MSRA: variants seen among roughly 807,000 people sequenced by gnomAD.
The protein encoded by MSRA is methionine sulfoxide reductase A.
A neutral mutation model predicts 31.3 loss-of-function variants in MSRA; 54 were observed. The observed-to-expected ratio is 1.73, with a 90% CI of 1.39 to 2.17. The LOEUF is 2.17. MSRA is among the 30% of genes most tolerant of loss of function. The pLI, the probability that MSRA is intolerant of heterozygous loss-of-function variation, is 0.00. For missense variants in MSRA, 507 were observed against 300.9 expected (o/e 1.69, Z -5.07); for synonymous variants, 169 against 116.5 (o/e 1.45, Z -2.90).
chr8:10,301,835 G>A (rs1800865709), intron 4 of MSRA, among the ~76,000 whole-genome samples, 197 bp downstream of exon 4: 1 of 152,058 alleles, frequency 6.6e-6, no homozygotes, highest in Non-Finnish European at 1.5e-5. Flanking sequence ...CACATTCGGC[G>A]CCCCTGCCCC....
chr8:10,093,447 T>G (rs1383712750), intron 1 of MSRA, among the ~76,000 whole-genome samples: 1 of 152,196 alleles, frequency 6.6e-6, no homozygotes, highest in Non-Finnish European at 1.5e-5. Context: ...AAAACTTTGC[T>G]CCTATATAGC....
intron 5 of MSRA, among the ~76,000 whole-genome samples, chr8:10,332,110 G>T (rs1477582314): frequency 6.6e-6 from 1 of 152,086 alleles, no homozygotes; most frequent in Non-Finnish European, 1.5e-5. Context: ...AAATGTCATG[G>T]TTATCTGTTT....
At chr8:10,283,836 TACACACACACACACACACACACACACAC>T (rs372503609) in intron 3 of MSRA, among the ~76,000 whole-genome samples, 4 of 53,156 alleles carry the variant, frequency 7.5e-5, no homozygotes, top group East Asian at 8.4e-4. Context: ...TATATATATA[TACACACACACACACACACACACACACAC>T]ACACATATAT....
At chr8:10,223,703 A>G (rs1810728646) in intron 2 of MSRA, among the ~76,000 whole-genome samples, 1 of 152,248 alleles carries the variant, frequency 6.6e-6, no homozygotes, top group East Asian at 1.9e-4. Context: ...TGAGGAAATA[A>G]TGACCATAAA....
chr8:10,094,567 C>A (rs1254821824), intron 1 of MSRA, among the ~76,000 whole-genome samples: 2 of 152,148 alleles, frequency 1.3e-5, no homozygotes, highest in Non-Finnish European at 2.9e-5. Flanking sequence ...CAATTTGAGA[C>A]CTTGAGTTAT....
At chr8:10,259,224 C>CA (rs1370555814) in intron 3 of MSRA, among the ~76,000 whole-genome samples, 1 of 152,120 alleles carries the variant, frequency 6.6e-6, no homozygotes, top group East Asian at 1.9e-4. Flanking sequence ...CACTCTCTGG[C>CA]AAAACTGAGG....
intron 3 of MSRA, among the ~76,000 whole-genome samples, chr8:10,292,305 C>T (rs925364138): frequency 4.6e-5 from 7 of 152,278 alleles, no homozygotes; most frequent in Non-Finnish European, 7.3e-5. Context: ...AGGGCTCCTC[C>T]GGCCCATACG....
intron 1 of MSRA, among the ~76,000 whole-genome samples, chr8:10,184,322 C>T (rs926261580): frequency 6.6e-6 from 1 of 151,886 alleles, no homozygotes; most frequent in African/African-American, 2.4e-5. Flanking sequence ...CCACTCTTAC[C>T]CTCTAAGCCC....
intron 1 of MSRA, among the ~76,000 whole-genome samples, chr8:10,087,716 G>T (rs1053214610): frequency 6.6e-6 from 1 of 152,170 alleles, no homozygotes; most frequent in Non-Finnish European, 1.5e-5. Context: ...TAAATATTCT[G>T]AGAGTGCCAT....
intron 2 of MSRA, among the ~76,000 whole-genome samples, chr8:10,212,882 T>G (rs141422771): frequency 1.9e-3 from 286 of 152,322 alleles, no homozygotes; most frequent in African/African-American, 6.4e-3. Context: ...AACCCATCAT[T>G]ATTTATTTTT....
chr8:10,387,117 C>T (rs1029326955), intron 5 of MSRA, among the ~76,000 whole-genome samples: 2 of 152,146 alleles, frequency 1.3e-5, no homozygotes, highest in Admixed American at 6.5e-5. Flanking sequence ...GCTGCCTGCA[C>T]GGCTCGACCA....
At chr8:10,374,031 G>T (rs1805622037) in intron 5 of MSRA, among the ~76,000 whole-genome samples, 1 of 152,158 alleles carries the variant, frequency 6.6e-6, no homozygotes, top group Non-Finnish European at 1.5e-5. Context: ...CCCAGTTCCT[G>T]GCTTCCATGC....
At chr8:10,110,443 C>T (rs1800196898) in intron 1 of MSRA, among the ~76,000 whole-genome samples, 1 of 152,184 alleles carries the variant, frequency 6.6e-6, no homozygotes, top group Non-Finnish European at 1.5e-5. Flanking sequence ...GAGTCAGCCT[C>T]ACTGCTGGCT....
At chr8:10,291,413 CAAAAG>C (rs1448693969) in intron 3 of MSRA, among the ~76,000 whole-genome samples, 2 of 48,428 alleles carry the variant, frequency 4.1e-5, no homozygotes, top group Non-Finnish European at 6.3e-5. Context: ...ACGAATGAGA[CAAAAG>C]AAAAAAAAAA....
intron 2 of MSRA, among the ~76,000 whole-genome samples, chr8:10,211,773 A>G (rs1809519411): frequency 6.6e-6 from 1 of 152,116 alleles, no homozygotes; most frequent in African/African-American, 2.4e-5. Context: ...TCTGGCCGTC[A>G]ATATCTTAAT....
chr8:10,326,892 A>G (rs1455861784), intron 5 of MSRA, among the ~76,000 whole-genome samples: 1 of 152,172 alleles, frequency 6.6e-6, no homozygotes, highest in Non-Finnish European at 1.5e-5. Flanking sequence ...TTCACGTGTA[A>G]TTCTTCCATC....
At position 10,245,225 on chromosome 8, in the gene MSRA, T is replaced by G; in HGVS notation, c.331+2T>G. On this transcript the variant is annotated splice_donor_variant, in intron 3 of 5. Coordinates refer to ENST00000317173, the MANE Select transcript of MSRA (RefSeq NM_012331.5). LOFTEE classifies it high-confidence loss of function. ...CTACTTATAAAGAAGTCTGCTCAGGTAGGAAGAATTTGCTTTATTGTATTA... is the reference window on the plus strand; with the variant it reads ...CTACTTATAAAGAAGTCTGCTCAGGGAGGAAGAATTTGCTTTATTGTATTA... 1 of 1,612,696 alleles carries G rather than the reference T, an allele frequency of 6.2e-7. No homozygotes were observed. Among genetic ancestry groups the G allele is most frequent in the African/African-American group, 1.3e-5 (1 of 75,012 alleles).
intron 2 of MSRA, among the ~76,000 whole-genome samples, chr8:10,225,302 C>A (rs1015263102): frequency 6.6e-6 from 1 of 152,140 alleles, no homozygotes; most frequent in African/African-American, 2.4e-5. Context: ...CCCCCTCAAC[C>A]CTTCTTTGTG....
chr8:10,303,653 C>G (rs999740340), intron 4 of MSRA, among the ~76,000 whole-genome samples: 2 of 152,186 alleles, frequency 1.3e-5, no homozygotes, highest in African/African-American at 4.8e-5. Flanking sequence ...GTGGTCCCCA[C>G]CCTTCTGCCT....
Sources: gnomAD v4.1 joint callset for allele counts (sites outside exome capture counted in the v4.1 genomes callset) on GRCh38, gnomAD v4.1.1 for gene constraint, MANE v1.5 for transcripts, NCBI Gene and HGNC (gene_info 2026-07-23, HGNC 2026-07-21) for gene names.